Variants in ADARB2 observed in about 807,000 individuals in gnomAD.
ADARB2 encodes the protein adenosine deaminase RNA specific B2 (inactive).
A neutral mutation model predicts 62.2 loss-of-function variants in ADARB2; 25 were observed. The observed-to-expected ratio is 0.40, with a 90% CI of 0.29 to 0.56. The LOEUF is 0.56. ADARB2 is among the 20% of genes least tolerant of loss of function. ADARB2 has a pLI of 0.43. For synonymous variants in ADARB2, 572 were observed against 500.8 expected (o/e 1.14, Z -1.90); for missense variants, 1,071 against 1,077.4 (o/e 0.99, Z 0.08).
At chr10:1,396,670 T>C (rs4306230) in intron 1 of ADARB2, among the ~76,000 whole-genome samples, 18,361 of 113,426 alleles carry the variant, frequency 0.16, 2,223 homozygotes, top group Middle Eastern at 0.3. Flanking sequence ...CCCTCCCGAG[T>C]GCAGGCTTCC....
At chr10:1,583,919 A>G (rs1344513910) in intron 1 of ADARB2, among the ~76,000 whole-genome samples, 2 of 152,226 alleles carry the variant, frequency 1.3e-5, no homozygotes, top group Non-Finnish European at 2.9e-5. Flanking sequence ...AAGGTGCTAT[A>G]ATAATTAGAC....
Position 1,445,559 on chromosome 10 carries a change from T to C in ADARB2, c.101-66399A>G, listed in dbSNP as rs115538857. 2.4e-3 allele frequency among the ~76,000 whole-genome samples: 371 copies of C among 152,206 alleles called. 2 individuals are homozygous for C. The highest frequency in any genetic ancestry group is 8.6e-3 in the African/African-American group (357 of 41,558). On this transcript the variant is annotated intron_variant, in intron 1 of 9. Coordinates refer to ENST00000381312, the MANE Select transcript of ADARB2 (RefSeq NM_018702.4). ...ATACATCTAAACTCATCCATCCATC[T>C]GTCCTTCCATTATTTACATGTTGCA...
chr10:1,485,288 A>T (rs916952791), intron 1 of ADARB2, among the ~76,000 whole-genome samples: 4 of 152,082 alleles, frequency 2.6e-5, no homozygotes, highest in Non-Finnish European at 4.4e-5. Flanking sequence ...GGAGGTAGGT[A>T]CCTATGTAGG....
rs1351868835 is a variant in ADARB2 at position 1,242,187 on chromosome 10, G to C, written c.1305C>G (p.Val435=). 6.2e-7 allele frequency: 1 copy of C among 1,610,606 alleles called. No homozygotes were observed. Among genetic ancestry groups the C allele is most frequent in the South Asian group, 1.1e-5 (1 of 90,848 alleles). Residue 435 remains valine (V), a synonymous_variant, in exon 5 of 10, where the codon GTC becomes GTG. Transcript: ENST00000381312. The part of the protein sequence containing the change: ...GLVVNDCHAE[V]VARRAFLHFL... ...AGTGCAGGAACGCCCGCCGGGCCAC[G>C]ACCTCCGCGTGGCAGTCATTCACCA...
intron 6 of ADARB2, among the ~76,000 whole-genome samples, chr10:1,218,686 C>A (rs915376973): frequency 3.3e-5 from 5 of 152,122 alleles, no homozygotes; most frequent in African/African-American, 7.2e-5. Flanking sequence ...GCCCAGTTTA[C>A]TACCGTCCCC....
intron 1 of ADARB2, among the ~76,000 whole-genome samples, chr10:1,522,418 G>A (rs2131952445): frequency 6.6e-6 from 1 of 152,286 alleles, no homozygotes; most frequent in East Asian, 1.9e-4. Flanking sequence ...AGAGTCAGAG[G>A]GCAGTAAAAC....
intron 3 of ADARB2, among the ~76,000 whole-genome samples, chr10:1,321,900 G>C (rs1336565395): frequency 2.0e-5 from 3 of 152,022 alleles, no homozygotes; most frequent in Admixed American, 2.0e-4. Context: ...AAGGGGAAGA[G>C]AGAGGAAGGG....
chr10:1,342,385 G>A lies in ADARB2; in HGVS notation c.1077+20643C>T, dbSNP rs184358219. 3.1e-3 allele frequency among the ~76,000 whole-genome samples: 469 copies of A among 152,276 alleles called. 1 individual carries two copies. Among genetic ancestry groups the A allele is most frequent in the African/African-American group, 0.01 (434 of 41,552 alleles). ...AGGCCTCTGCCCAACTACCATGCAC[G>A]CCGCTTGGTTGTCTGCTCACATTAA... On this transcript the variant is annotated intron_variant, in intron 3 of 9. Coordinates refer to ENST00000381312, the MANE Select transcript of ADARB2 (RefSeq NM_018702.4).
intron 5 of ADARB2, 102 bp from the exon 6 acceptor site, chr10:1,233,947 G>C (rs1183848583): frequency 1.5e-6 from 1 of 667,864 alleles, no homozygotes; most frequent in African/African-American, 1.9e-5. Flanking sequence ...TGTTCCCCAA[G>C]TTTTCCTTTA....
chr10:1,388,236 A>G (rs1446488188), intron 1 of ADARB2, among the ~76,000 whole-genome samples: 1 of 152,150 alleles, frequency 6.6e-6, no homozygotes, highest in African/African-American at 2.4e-5. Flanking sequence ...AATTTCCTCA[A>G]ATTGATACAG....
chr10:1,246,944 A>AT (rs1830991210), intron 4 of ADARB2, among the ~76,000 whole-genome samples: 1 of 151,950 alleles, frequency 6.6e-6, no homozygotes, highest in African/African-American at 2.4e-5. Context: ...TTTTCACGAT[A>AT]TTGATTCTTC....
chr10:1,731,114 G>A (rs1835225549), intron 1 of ADARB2, among the ~76,000 whole-genome samples: 1 of 152,204 alleles, frequency 6.6e-6, no homozygotes, highest in Non-Finnish European at 1.5e-5. Context: ...TTAGGGGCTG[G>A]AGGGAGATTG....
intron 6 of ADARB2, among the ~76,000 whole-genome samples, chr10:1,220,530 T>C (rs896066487): frequency 6.6e-6 from 1 of 152,202 alleles, no homozygotes; most frequent in Admixed American, 6.5e-5. Flanking sequence ...ACATCAACTT[T>C]CTGCGGAAGG....
chr10:1,364,455 C>G (rs146966103), intron 2 of ADARB2, among the ~76,000 whole-genome samples: 172 of 152,350 alleles, frequency 1.1e-3, no homozygotes, highest in African/African-American at 3.9e-3. Context: ...AGGTGAGGCA[C>G]TGCGGCCTTG....
chr10:1,569,122 C>G (rs972719040), intron 1 of ADARB2, among the ~76,000 whole-genome samples: 1 of 139,444 alleles, frequency 7.2e-6, no homozygotes, highest in Non-Finnish European at 1.6e-5. Context: ...AAGAAAGAGA[C>G]AGAGACAAAG....
intron 1 of ADARB2, among the ~76,000 whole-genome samples, chr10:1,554,512 TCTG>T (rs1206413421): frequency 6.6e-6 from 1 of 152,000 alleles, no homozygotes; most frequent in Non-Finnish European, 1.5e-5. Flanking sequence ...CCCCCCAAGT[TCTG>T]CTGGTGACGC....
chr10:1,344,088 C>A (rs756649045), intron 3 of ADARB2, among the ~76,000 whole-genome samples: 1 of 152,186 alleles, frequency 6.6e-6, no homozygotes, highest in Admixed American at 6.5e-5. Flanking sequence ...CTGGGTCCTC[C>A]TAATCATGGC....
intron 3 of ADARB2, among the ~76,000 whole-genome samples, chr10:1,289,515 G>A (rs942886872): frequency 2.6e-5 from 4 of 152,354 alleles, no homozygotes; most frequent in Non-Finnish European, 4.4e-5. Flanking sequence ...CCACGGCACC[G>A]TCAGGAAGCC....
chr10:1,726,304 T>C (rs1485809732), intron 1 of ADARB2, among the ~76,000 whole-genome samples: 4 of 152,122 alleles, frequency 2.6e-5, no homozygotes, highest in African/African-American at 9.7e-5. Flanking sequence ...GACAGATCAG[T>C]AAGGTAGATG....
Sources: allele counts gnomAD v4.1 joint callset (sites outside exome capture counted in the v4.1 genomes callset), GRCh38; gene constraint gnomAD v4.1.1; transcripts MANE v1.5; gene names NCBI Gene and HGNC (gene_info 2026-07-23, HGNC 2026-07-21).